Variants in KANSL3 observed in about 807,000 individuals in gnomAD.
KANSL3 encodes KAT8 regulatory NSL complex subunit 3.
A neutral mutation model predicts 89.2 loss-of-function variants in KANSL3; 16 were observed. The ratio of observed to expected loss-of-function variants is 0.18; its 90% CI spans 0.12 to 0.27. The LOEUF is 0.27. Among genes scored for constraint, KANSL3 ranks in the 10% least tolerant of loss-of-function variants. The pLI, the probability that KANSL3 is intolerant of heterozygous loss-of-function variation, is 1.00. For synonymous variants in KANSL3, 385 were observed against 419.7 expected (o/e 0.92, Z 1.01); for missense variants, 879 against 1,110.6 (o/e 0.79, Z 2.96).
chr2:96,628,361 A>C, intron 3 of KANSL3: 1 of 627,736 alleles, frequency 1.6e-6, no homozygotes, highest in Non-Finnish European at 2.0e-6. Flanking sequence ...TTATAAATTA[A>C]GAAACTCAGC....
intron 3 of KANSL3, among the ~76,000 whole-genome samples, chr2:96,621,499 G>A (rs945373531): frequency 6.6e-6 from 1 of 151,202 alleles, no homozygotes; most frequent in African/African-American, 2.4e-5. Flanking sequence ...GGGTGACAGA[G>A]TGAGACTCTG....
At chr2:96,636,869 T>C (rs1573698549) in intron 2 of KANSL3, 52 bp downstream of exon 2, 1 of 1,381,552 alleles carries the variant, frequency 7.2e-7, no homozygotes, top group South Asian at 1.5e-5. Flanking sequence ...TAAATTCCCA[T>C]CTGATCACTG....
intron 14 of KANSL3, among the ~76,000 whole-genome samples, chr2:96,608,255 C>G (rs996221475): frequency 7.2e-5 from 11 of 152,140 alleles, no homozygotes; most frequent in African/African-American, 2.4e-4. Flanking sequence ...GGCCAATATA[C>G]ATGTTCATAA....
Position 96,631,428 on chromosome 2 carries a change from G to C in KANSL3, c.270C>G (p.Leu90=). The C allele has an allele frequency of 6.3e-7, 1 of 1,597,674 alleles. No individual in the cohort carries two copies. Among genetic ancestry groups the C allele is most frequent in the Non-Finnish European group, 8.5e-7 (1 of 1,171,634 alleles). ...CGCTGCGTGCCTTCTGATTGTCATA[G>C]AGTGGCATAGGCGTTGATGTGACCG... ...VETVTSTPMP[L]YDNQKARSVM... The change falls in exon 3 of 21, where the codon CTC becomes CTG. Residue 90 remains leucine, a synonymous_variant. Coordinates refer to ENST00000431828, the MANE Select transcript of KANSL3 (RefSeq NM_001115016.3).
chr2:96,628,801 T>C (rs1373522287), intron 3 of KANSL3, among the ~76,000 whole-genome samples: 1 of 151,850 alleles, frequency 6.6e-6, no homozygotes, highest in Non-Finnish European at 1.5e-5. Context: ...AGTTCTCCTA[T>C]GTACTTTCTG....
intron 16 of KANSL3, 117 bp downstream of exon 16, chr2:96,604,662 T>C: frequency 1.0e-6 from 1 of 973,720 alleles, no homozygotes; most frequent in Non-Finnish European, 1.5e-6. Flanking sequence ...CAGAAGTAAG[T>C]CACATTTCCA....
intron 2 of KANSL3, 36 bp downstream of exon 2, chr2:96,636,885 T>G: frequency 1.9e-5 from 28 of 1,451,558 alleles, no homozygotes; most frequent in Non-Finnish European, 2.4e-5. Flanking sequence ...CACTGCCCAG[T>G]GAGGTTACCA....
intron 18 of KANSL3, 81 bp downstream of exon 18, chr2:96,602,672 C>T: frequency 9.0e-7 from 1 of 1,112,800 alleles, no homozygotes; most frequent in Non-Finnish European, 1.3e-6. Context: ...GACTCCAGAC[C>T]TAGTTTCCCT....
intron 3 of KANSL3, among the ~76,000 whole-genome samples, chr2:96,628,803 T>C (rs1251890466): frequency 2.6e-5 from 4 of 151,778 alleles, no homozygotes; most frequent in Non-Finnish European, 4.4e-5. Context: ...TTCTCCTATG[T>C]ACTTTCTGAA....
At chr2:96,624,745 C>A (rs998573314) in intron 3 of KANSL3, among the ~76,000 whole-genome samples, 2 of 152,090 alleles carry the variant, frequency 1.3e-5, no homozygotes, top group African/African-American at 4.8e-5. Flanking sequence ...CGGTCTCAAA[C>A]TCCTGACCTC....
At chr2:96,589,076 G>A (rs2104760431), downstream of KANSL3, among the ~76,000 whole-genome samples, 1 of 152,160 alleles carries the variant, frequency 6.6e-6, no homozygotes, top group Admixed American at 6.5e-5. Flanking sequence ...ACTATACAAG[G>A]AGATACAACT....
intron 20 of KANSL3, chr2:96,600,753 G>A: frequency 1.0e-6 from 1 of 985,428 alleles, no homozygotes; most frequent in Non-Finnish European, 1.2e-6. Flanking sequence ...AAGGTCACAG[G>A]GGAAATTAGA....
Position 96,605,435 on chromosome 2 carries a change from CGAG to C in KANSL3, c.1815_1817del (p.Ser607del). On this transcript the variant is annotated inframe_deletion, in exon 15 of 21. Transcript: ENST00000431828. Reference sequence around the variant, plus strand: ...AGGTCTTACTGCCAGGAAGGGGACTCGAGGGATGGTGTCGCTTCAGCTGAACCC... The same window carrying C: ...AGGTCTTACTGCCAGGAAGGGGACTCGGATGGTGTCGCTTCAGCTGAACCC... 1 of 1,613,940 alleles carries C rather than the reference CGAG, an allele frequency of 6.2e-7. No homozygotes were observed.
At chr2:96,617,057 A>G (rs2070286849) in intron 5 of KANSL3, among the ~76,000 whole-genome samples, 1 of 152,126 alleles carries the variant, frequency 6.6e-6, no homozygotes, top group Admixed American at 6.5e-5. Context: ...TGCTGAGGAG[A>G]ACATATGTGA....
downstream of KANSL3, among the ~76,000 whole-genome samples, chr2:96,592,437 A>T (rs1573222856): frequency 6.6e-6 from 1 of 152,176 alleles, no homozygotes; most frequent in East Asian, 1.9e-4. Context: ...AGGTTGAGGG[A>T]CCCCACCTAC....
At chr2:96,608,694 G>A (rs755101239) in intron 13 of KANSL3, 30 bp from the exon 14 acceptor site, 1 of 1,613,800 alleles carries the variant, frequency 6.2e-7, no homozygotes, top group Non-Finnish European at 8.5e-7. Flanking sequence ...CAAGAGATGA[G>A]ACAATGTTAC....
chr2:96,633,859 C>T (rs1302166167), intron 2 of KANSL3, among the ~76,000 whole-genome samples: 3 of 151,758 alleles, frequency 2.0e-5, no homozygotes, highest in Non-Finnish European at 2.9e-5. Flanking sequence ...AGCAAGACTC[C>T]GTCTCAAAAA....
intron 3 of KANSL3, among the ~76,000 whole-genome samples, chr2:96,622,550 A>G (rs976188626): frequency 6.6e-6 from 1 of 152,226 alleles, no homozygotes; most frequent in African/African-American, 2.4e-5. Flanking sequence ...GTTGATGGAA[A>G]TATAAATTAG....
intron 2 of KANSL3, among the ~76,000 whole-genome samples, chr2:96,635,625 A>C (rs977640589): frequency 1.3e-5 from 2 of 152,240 alleles, no homozygotes; most frequent in Non-Finnish European, 2.9e-5. Context: ...TCTCCTGTAC[A>C]CCAAAAAAGC....
Sources: allele counts gnomAD v4.1 joint callset (sites outside exome capture counted in the v4.1 genomes callset), GRCh38; gene constraint gnomAD v4.1.1; transcripts MANE v1.5; gene names NCBI Gene and HGNC (gene_info 2026-07-23, HGNC 2026-07-21).